The following RAP1GAP variants were observed in gnomAD, a reference collection of about 807,000 sequenced individuals.
RAP1GAP encodes the protein rap1 GTPase-activating protein 1.
In RAP1GAP, 35 loss-of-function variants were observed where a neutral mutation model predicts 87.2. That is an observed-to-expected ratio of 0.40 (90% CI 0.31 to 0.53). The LOEUF (loss-of-function observed/expected upper bound fraction) is 0.53. Among genes scored for constraint, RAP1GAP ranks in the 20% least tolerant of loss-of-function variants. The pLI, the probability that RAP1GAP is intolerant of heterozygous loss-of-function variation, is 0.48. For missense variants in RAP1GAP, 734 were observed against 898.9 expected, an observed-to-expected ratio of 0.82 and a Z score of 2.35; for synonymous variants, 375 against 363.9, an observed-to-expected ratio of 1.03 and a Z score of -0.35.
At position 21,652,073 on chromosome 1, in the gene RAP1GAP, C is replaced by T. The variant is rs562836295; in HGVS notation, c.-148-2277G>A. ...GCCGGGCCCAGCCGGGCGGGGATTG[C>T]GGGGCCCGGGGCCCGGGGCAGCCCC... On this transcript the variant is annotated intron_variant, in intron 1 of 24. Transcript: ENST00000374765. Among the ~76,000 whole-genome samples the T allele has an allele frequency of 4.6e-3, 697 of 151,342 alleles. 2 individuals carry two copies. Among genetic ancestry groups the T allele is most frequent in the Non-Finnish European group, 6.9e-3 (465 of 67,620 alleles).
intron 1 of RAP1GAP, chr1:21,651,722 A>AC (rs2096583388): frequency 2.8e-6 from 2 of 702,138 alleles, no homozygotes; most frequent in Non-Finnish European, 4.2e-6. Context: ...GCTCCCCCCC[A>AC]CGCGTGCACA....
chr1:21,662,583 G>A (rs2097190638), intron 1 of RAP1GAP, among the ~76,000 whole-genome samples: 1 of 152,166 alleles, frequency 6.6e-6, no homozygotes. Flanking sequence ...GGAGCTGGAA[G>A]CTTTAGGGCC....
chr1:21,619,075 G>A lies in RAP1GAP; in HGVS notation c.19-3C>T. The stretch of plus-strand genomic sequence containing the variant: ...CGTTGTTCATCCATCCTGCTTCCCT[G>A]TAAGAGAAGGCAGCACTGTTACACC... On this transcript the variant is annotated splice_polypyrimidine_tract_variant and splice_region_variant and intron_variant, in intron 4 of 24. Transcript: ENST00000374765. The A allele has an allele frequency of 3.1e-6, 5 of 1,596,820 alleles. No individual in the cohort carries two copies. Among genetic ancestry groups the A allele is most frequent in the South Asian group, 1.1e-5 (1 of 88,302 alleles).
Position 21,653,595 on chromosome 1 carries a change from C to G in RAP1GAP, c.-148-3799G>C, listed in dbSNP as rs566417922. ...TCCTTCCTTCCTTCCTTCCTTCCTC[C>G]CTCCCTCCCTCCCTCCTTCCTAAGT... On this transcript the variant is annotated intron_variant, in intron 1 of 24. Coordinates refer to ENST00000374765, the MANE Select transcript of RAP1GAP (RefSeq NM_002885.4). Among the ~76,000 whole-genome samples the G allele has an allele frequency of 8.1e-4, 67 of 83,052 alleles. 1 individual carries two copies. Among genetic ancestry groups the G allele is most frequent in the African/African-American group, 2.5e-3 (65 of 26,206 alleles). The allele number at this position is 83,052 out of a possible 152,430, so 54.5% of individuals were successfully genotyped here.
At position 21,603,718 on chromosome 1, in the gene RAP1GAP, TG is replaced by T; in HGVS notation, c.1429-806del. On this transcript the variant is annotated intron_variant, in intron 18 of 24. Coordinates refer to ENST00000374765, the MANE Select transcript of RAP1GAP (RefSeq NM_002885.4). The surrounding 1 kb of genome is among the most constrained non-coding windows in gnomAD (Gnocchi z 6.0). The stretch of plus-strand genomic sequence containing the variant: ...TGCCGCCACTCCATCCCGCACGCCC[TG>T]GGGCCTGTCCCGGGGGCAGAGGGGC... 8.7e-7 allele frequency: 1 copy of T among 1,150,624 alleles called. No individual in the cohort carries two copies. Among genetic ancestry groups the T allele is most frequent in the Non-Finnish European group, 1.3e-6 (1 of 764,730 alleles). The allele number at this position is 1,150,624 out of a possible 1,614,324, so 71.3% of individuals were successfully genotyped here.
At chr1:21,655,169 A>T (rs1417740919) in intron 1 of RAP1GAP, among the ~76,000 whole-genome samples, 2 of 152,306 alleles carry the variant, frequency 1.3e-5, no homozygotes, top group South Asian at 2.1e-4. Context: ...AAAGAAAAAA[A>T]ATTGTTGTAG....
At chr1:21,628,166 T>C (rs1004165535) in intron 2 of RAP1GAP, among the ~76,000 whole-genome samples, 1 of 152,054 alleles carries the variant, frequency 6.6e-6, no homozygotes, top group Non-Finnish European at 1.5e-5. Flanking sequence ...CAAAGGAACA[T>C]CCCTACGCAC....
chr1:21,603,217 C>G lies in RAP1GAP; in HGVS notation c.1429-304G>C. On this transcript the variant is annotated intron_variant, in intron 18 of 24. Transcript: ENST00000374765. The surrounding 1 kb of genome is among the most constrained non-coding windows in gnomAD (Gnocchi z 6.0). ...GGCCGAGTCCTCAGAATGGCTACCG[C>G]TCCCCGCCCCCCAGGGCTCTGTGGG... 1 of 416,626 alleles carries G rather than the reference C, an allele frequency of 2.4e-6. No individual in the cohort carries two copies. The highest frequency in any genetic ancestry group is 4.1e-5 in the East Asian group (1 of 24,566). 25.8% of individuals were successfully genotyped at this position (416,626 alleles called of 1,614,324 possible).
At chr1:21,619,721 G>C (rs1436502504) in intron 4 of RAP1GAP, among the ~76,000 whole-genome samples, 2 of 151,964 alleles carry the variant, frequency 1.3e-5, no homozygotes, top group Admixed American at 1.3e-4. Flanking sequence ...TCTCTCACTG[G>C]GTGAGAGGCA....
chr1:21,618,959 G>T, intron 5 of RAP1GAP, 66 bp downstream of exon 5: 1 of 1,471,412 alleles, frequency 6.8e-7, no homozygotes, highest in South Asian at 1.2e-5. Flanking sequence ...GATGGGCAGT[G>T]GTGGCAGCAC....
chr1:21,601,100 T>C (rs910777869), intron 20 of RAP1GAP, among the ~76,000 whole-genome samples: 18 of 150,816 alleles, frequency 1.2e-4, no homozygotes, highest in African/African-American at 4.2e-4. Flanking sequence ...GGCATGATCA[T>C]AGCTCACTGC....
At chr1:21,644,964 T>C (rs2095892762) in intron 2 of RAP1GAP, among the ~76,000 whole-genome samples, 1 of 149,730 alleles carries the variant, frequency 6.7e-6, no homozygotes, top group African/African-American at 2.5e-5. Flanking sequence ...CCATCAGAGG[T>C]TGTTTCCTTG....
In RAP1GAP at chr1:21,601,802, G is replaced by A. The variant is rs565300852; in HGVS notation, c.1539-5C>T. ...TGACCAGCCGGAGGGCTCTCCCTGC[G>A]GGGCACACGGGGGCAGCGGGGGGAT... is the stretch of plus-strand genomic sequence containing the variant. On this transcript the variant is annotated splice_region_variant and splice_polypyrimidine_tract_variant and intron_variant, in intron 19 of 24. Coordinates refer to ENST00000374765, the MANE Select transcript of RAP1GAP (RefSeq NM_002885.4). 2.1e-5 allele frequency: 33 copies of A among 1,579,508 alleles called. No individual in the cohort carries two copies. The highest frequency in any genetic ancestry group is 2.3e-5 in the Non-Finnish European group (27 of 1,159,800).
At chr1:21,658,901 C>T (rs1481420208) in intron 1 of RAP1GAP, among the ~76,000 whole-genome samples, 3 of 144,312 alleles carry the variant, frequency 2.1e-5, no homozygotes, top group African/African-American at 7.7e-5. Context: ...TGTAGGCAGG[C>T]TTATTTCCTA....
rs550964941 is a variant in RAP1GAP, at chr1:21,609,926, A to G, written c.999+194T>C. Among the ~76,000 whole-genome samples the G allele has an allele frequency of 1.7e-3, 266 of 152,218 alleles. No individual in the cohort carries two copies. Among genetic ancestry groups the G allele is most frequent in the African/African-American group, 6.0e-3 (249 of 41,536 alleles). On this transcript the variant is annotated intron_variant, in intron 14 of 24. Transcript: ENST00000374765. This position sits in a 1 kb window ranked among gnomAD's most constrained non-coding sequence, Gnocchi z 4.4. The stretch of plus-strand genomic sequence containing the variant: ...GTGATACCAGGCCAGGAGGCAGAGG[A>G]GGGAAACTGTCCTCTCTGAGGGGGT...
intron 11 of RAP1GAP, 81 bp from the exon 12 acceptor site, chr1:21,611,897 G>T: frequency 6.6e-7 from 1 of 1,507,140 alleles, no homozygotes; most frequent in Non-Finnish European, 9.2e-7. Flanking sequence ...CCCAGAGAGG[G>T]CCGGAGGGAG....
Position 21,669,202 on chromosome 1 carries a change from C to T in RAP1GAP, c.-149+52G>A. ...CTGCGAGCCGACGGGAGTCTGGACA[C>T]CTCTGTCCCCTTCCCCTTTCCAGGG... On this transcript the variant is annotated intron_variant, in intron 1 of 24. Transcript: ENST00000374765. The surrounding 1 kb of genome is among the most constrained non-coding windows in gnomAD (Gnocchi z 5.6). The T allele has an allele frequency of 8.0e-7, 1 of 1,250,834 alleles. No homozygotes were observed. Among genetic ancestry groups the T allele is most frequent in the Non-Finnish European group, 1.0e-6 (1 of 972,708 alleles). 77.5% of individuals were successfully genotyped at this position (1,250,834 alleles called of 1,614,324 possible). A position where few individuals can be genotyped will look rare whatever the true frequency, so the allele number is the denominator to read the frequency against.
At chr1:21,662,223 C>T (rs1011828251) in intron 1 of RAP1GAP, among the ~76,000 whole-genome samples, 3 of 152,204 alleles carry the variant, frequency 2.0e-5, no homozygotes, top group African/African-American at 7.2e-5. Flanking sequence ...AGTTTCCTCA[C>T]CCACAAAATG....
intron 1 of RAP1GAP, among the ~76,000 whole-genome samples, chr1:21,667,110 C>A (rs921803428): frequency 6.6e-6 from 1 of 151,126 alleles, no homozygotes; most frequent in Non-Finnish European, 1.5e-5. Context: ...ACAGCACATG[C>A]GGCTGCTCAG....
Sources: gnomAD v4.1 joint callset for allele counts (sites outside exome capture counted in the v4.1 genomes callset) on GRCh38, gnomAD v4.1.1 for gene constraint, Gnocchi (gnomAD v3.1) non-coding constraint, MANE v1.5 for transcripts, NCBI Gene and HGNC (gene_info 2026-07-23, HGNC 2026-07-21) for gene names.